Variants in SENP2 observed in about 807,000 individuals in gnomAD.
The protein encoded by SENP2 is SUMO specific peptidase 2.
A neutral mutation model predicts 86.3 loss-of-function variants in SENP2; 16 were observed. The observed-to-expected ratio is 0.19, with a 90% CI of 0.13 to 0.28. The LOEUF (loss-of-function observed/expected upper bound fraction) is 0.28, where lower values mean the gene tolerates loss of function less well. Ranked by LOEUF, SENP2 falls within the 10% of genes least tolerant of loss-of-function variation. The pLI is 1.00. For missense variants in SENP2, 552 were observed against 703.0 expected, an observed-to-expected ratio of 0.79 and a Z score of 2.43; for synonymous variants, 222 against 238.7, an observed-to-expected ratio of 0.93 and a Z score of 0.64.
chr3:185,629,989 T>G lies in SENP2; in HGVS notation c.*145T>G. 1.4e-6 allele frequency: 1 copy of G among 737,940 alleles called. No homozygotes were observed. The highest frequency in any genetic ancestry group is 2.7e-5 in the East Asian group (1 of 36,834). 45.7% of individuals were successfully genotyped at this position (737,940 alleles called of 1,614,324 possible). Reference sequence around the variant, plus strand: ...TCAAAAGTGCATGAAGGCCTCTCACTGTACTCTAGTCCTGACTTGGGGTGC... The same window carrying G: ...TCAAAAGTGCATGAAGGCCTCTCACGGTACTCTAGTCCTGACTTGGGGTGC... On this transcript the variant is annotated 3_prime_UTR_variant, in exon 17 of 17. Transcript: ENST00000296257.
chr3:185,606,857 C>T (rs899321201), intron 6 of SENP2: 5 of 455,080 alleles, frequency 1.1e-5, no homozygotes, highest in Non-Finnish European at 1.7e-5. Context: ...GGCACAGACA[C>T]AGAGTCAGAC....
chr3:185,600,545 G>T (rs1202501785), intron 4 of SENP2, among the ~76,000 whole-genome samples: 4 of 152,098 alleles, frequency 2.6e-5, no homozygotes, highest in Non-Finnish European at 5.9e-5. Flanking sequence ...AGTGAATTCT[G>T]TTATTACCTA....
At chr3:185,606,986 C>CTTT in intron 6 of SENP2, 2 of 223,038 alleles carry the variant, frequency 9.0e-6, no homozygotes, top group East Asian at 1.1e-4. Flanking sequence ...TTCTTTTTTC[C>CTTT]TTTTTTTTTT....
intron 5 of SENP2, among the ~76,000 whole-genome samples, chr3:185,605,382 A>G (rs1383936174): frequency 6.6e-6 from 1 of 151,954 alleles, no homozygotes; most frequent in African/African-American, 2.4e-5. Flanking sequence ...AAAAAAAAAG[A>G]ATAAGGGCAT....
At chr3:185,588,336 C>T (rs1721868953) in intron 1 of SENP2, among the ~76,000 whole-genome samples, 2 of 151,518 alleles carry the variant, frequency 1.3e-5, no homozygotes, top group Admixed American at 6.6e-5. Context: ...TGAGCCACCG[C>T]GCCCGGCCCT....
intron 13 of SENP2, 40 bp from the exon 14 acceptor site, chr3:185,621,786 C>T (rs2148994214): frequency 1.6e-6 from 2 of 1,215,318 alleles, no homozygotes; most frequent in Non-Finnish European, 2.4e-6. Context: ...ACTCCTCTTA[C>T]ATTTAAGATG....
intron 2 of SENP2, among the ~76,000 whole-genome samples, chr3:185,591,309 T>G (rs1320694085): frequency 6.6e-6 from 1 of 152,094 alleles, no homozygotes; most frequent in Non-Finnish European, 1.5e-5. Context: ...GTGTAGACTG[T>G]GCATTTTAAA....
chr3:185,591,474 C>G (rs1721995525), intron 2 of SENP2, among the ~76,000 whole-genome samples: 1 of 151,486 alleles, frequency 6.6e-6, no homozygotes, highest in Admixed American at 6.6e-5. Context: ...GCCTCAGCCT[C>G]CTGAGTAGCT....
intron 7 of SENP2, among the ~76,000 whole-genome samples, chr3:185,610,816 G>T (rs1577732078): frequency 6.6e-6 from 1 of 152,190 alleles, no homozygotes; most frequent in Non-Finnish European, 1.5e-5. Context: ...AAATTAGCTG[G>T]GCATGGTGGC....
intron 10 of SENP2, 129 bp from the exon 11 acceptor site, chr3:185,614,435 A>G (rs1711524948): frequency 2.2e-6 from 2 of 898,082 alleles, no homozygotes; most frequent in Middle Eastern, 2.5e-4. Context: ...GGGTAAATCT[A>G]CTCACTTGGG....
intron 5 of SENP2, among the ~76,000 whole-genome samples, chr3:185,602,180 T>G (rs1240169797): frequency 1.3e-5 from 2 of 152,226 alleles, no homozygotes; most frequent in African/African-American, 4.8e-5. Flanking sequence ...GGTCTGATCT[T>G]TGAAGTTAGA....
rs772861799 is a variant in SENP2 at position 185,586,477 on chromosome 3, C to T, written c.64C>T (p.Pro22Ser). Residue 22 changes from proline to serine, a missense_variant, in exon 1 of 17, where the codon CCT (proline) becomes TCT (serine). Physicochemically the swap from Pro to Ser is moderately conservative, Grantham distance 74. This residue lies in a region of SENP2 where 383 missense variants were observed against 427.3 expected (regional missense o/e 0.90). Transcript: ENST00000296257. This position sits in a 1 kb window ranked among gnomAD's most constrained non-coding sequence, Gnocchi z 4.3. ...IFRFCDRSVP[P>S]ARALLKRRRS... ...CCGTTTCTGCGACCGGTCGGTGCCC[C>T]CTGCCCGGGCCCTCCTGAAGAGGCG... 5 of 1,613,862 alleles carry T rather than the reference C, an allele frequency of 3.1e-6. No homozygotes were observed. In the South Asian group the frequency reaches 4.4e-5, roughly 14 times the overall value.
chr3:185,596,130 T>A (rs886136757), intron 2 of SENP2, among the ~76,000 whole-genome samples: 3 of 152,078 alleles, frequency 2.0e-5, no homozygotes, highest in African/African-American at 2.4e-5. Flanking sequence ...GACGCCCAGC[T>A]AATTTTTGTA....
Position 185,632,358 on chromosome 3 carries a change from C to T in SENP2, c.*2514C>T, listed in dbSNP as rs1712522684. 6.6e-6 allele frequency: 1 copy of T among 151,088 alleles called. No homozygotes were observed. Among genetic ancestry groups the T allele is most frequent in the African/African-American group, 2.4e-5 (1 of 40,896 alleles). The allele number at this position is 151,088 out of a possible 1,614,324, so 9.4% of individuals were successfully genotyped here. On this transcript the variant is annotated 3_prime_UTR_variant, in exon 17 of 17. Coordinates refer to ENST00000296257, the MANE Select transcript of SENP2 (RefSeq NM_021627.3). ...CAAGCGATTCTCCTGCCTCAGCCTC[C>T]TGCGTAGCTGGGATTACAGGTGCCC...
intron 7 of SENP2, among the ~76,000 whole-genome samples, chr3:185,610,483 A>G (rs752883371): frequency 2.0e-5 from 3 of 152,164 alleles, no homozygotes; most frequent in Non-Finnish European, 4.4e-5. Flanking sequence ...TTTTGAATGC[A>G]GAAATAACAG....
intron 5 of SENP2, among the ~76,000 whole-genome samples, chr3:185,605,368 T>C (rs1381590809): frequency 6.6e-5 from 10 of 150,472 alleles, no homozygotes; most frequent in Admixed American, 6.6e-4. Flanking sequence ...TGAAACTTCG[T>C]CGAAAAAAAA....
rs1560187032 is a variant in SENP2 at position 185,588,280 on chromosome 3, C to T, written c.101+1766C>T. ...CACCGTGGTCTCGATCTCCTGACCT[C>T]AGGATCCGCCCGTCTCGGTCTCCCA... On this transcript the variant is annotated intron_variant, in intron 1 of 16. Transcript: ENST00000296257. Among the ~76,000 whole-genome samples the T allele has an allele frequency of 2.6e-5, 4 of 151,798 alleles. No individual in the cohort carries two copies. In the South Asian group the frequency reaches 6.3e-4, roughly 24 times the overall value.
chr3:185,600,061 T>C (rs1722295426), intron 4 of SENP2, among the ~76,000 whole-genome samples: 1 of 152,198 alleles, frequency 6.6e-6, no homozygotes, highest in South Asian at 2.1e-4. Flanking sequence ...CCTCCCAAAG[T>C]GCTGGGATTA....
At chr3:185,605,457 T>C (rs1390955155) in intron 5 of SENP2, among the ~76,000 whole-genome samples, 1 of 152,156 alleles carries the variant, frequency 6.6e-6, no homozygotes, top group Non-Finnish European at 1.5e-5. Context: ...TATTATGTAA[T>C]CTACAGGTCT....
Sources: allele counts gnomAD v4.1 joint callset (sites outside exome capture counted in the v4.1 genomes callset), GRCh38; gene constraint gnomAD v4.1.1; regional missense constraint gnomAD v4.1.1; non-coding constraint Gnocchi (gnomAD v3.1); transcripts MANE v1.5; gene names NCBI Gene and HGNC (gene_info 2026-07-23, HGNC 2026-07-21).